Variants in RNGTT observed in about 807,000 individuals in gnomAD.
The protein encoded by RNGTT is mRNA-capping enzyme.
In RNGTT, 33 loss-of-function variants were observed where a neutral mutation model predicts 79.3. The ratio of observed to expected loss-of-function variants is 0.42; its 90% CI spans 0.32 to 0.56. The LOEUF (loss-of-function observed/expected upper bound fraction) is 0.56, where lower values mean the gene tolerates loss of function less well. Ranked by LOEUF, RNGTT falls within the 20% of genes least tolerant of loss-of-function variation. The probability of loss-of-function intolerance (pLI) is 0.17; values close to 1 mark genes in which losing one functional copy is unlikely to be tolerated. For missense variants in RNGTT, 497 were observed against 739.1 expected (o/e 0.67, Z 3.80); for synonymous variants, 222 against 235.9 (o/e 0.94, Z 0.54).
At chr6:88,828,743 A>G (rs2127886585) in intron 11 of RNGTT, among the ~76,000 whole-genome samples, 1 of 152,140 alleles carries the variant, frequency 6.6e-6, no homozygotes, top group South Asian at 2.1e-4. Flanking sequence ...TGAAGCATAC[A>G]CAAATATCAA....
At chr6:88,678,000 T>TTTTG (rs1345254176) in intron 14 of RNGTT, 5 of 152,646 alleles carry the variant, frequency 3.3e-5, no homozygotes, top group African/African-American at 1.3e-4. Context: ...TTTTTTTTTT[T>TTTTG]TTTGAGACAG....
At chr6:88,808,547 AATG>A (rs1462671417) in intron 11 of RNGTT, among the ~76,000 whole-genome samples, 7 of 152,292 alleles carry the variant, frequency 4.6e-5, no homozygotes, top group Non-Finnish European at 1.0e-4. Context: ...TTTTCATTCT[AATG>A]ATATTTCTTC....
chr6:88,686,723 T>G (rs1402326612), intron 13 of RNGTT, among the ~76,000 whole-genome samples: 1 of 152,104 alleles, frequency 6.6e-6, no homozygotes, highest in Admixed American at 6.6e-5. Flanking sequence ...TCCACACAGA[T>G]GAAAATAATG....
chr6:88,809,775 A>G (rs1473632946), intron 11 of RNGTT, among the ~76,000 whole-genome samples: 1 of 151,640 alleles, frequency 6.6e-6, no homozygotes, highest in African/African-American at 2.4e-5. Flanking sequence ...ATGACCAGGC[A>G]CAATGGCTCA....
At chr6:88,854,738 T>TG (rs148037037) in intron 8 of RNGTT, among the ~76,000 whole-genome samples, 6,234 of 152,246 alleles carry the variant, frequency 0.041, 187 homozygotes, top group African/African-American at 0.076. Context: ...AATCAACATA[T>TG]GGGGGAATTC....
At position 88,959,532 on chromosome 6, in the gene RNGTT, C is replaced by T. The variant is rs183153767; in HGVS notation, c.64+3814G>A. Among the ~76,000 whole-genome samples the T allele has an allele frequency of 2.8e-3, 422 of 152,220 alleles. 7 individuals are homozygous for T. The highest frequency in any genetic ancestry group is 9.7e-3 in the African/African-American group (404 of 41,534). ...GACCCTCTTTCCCTCATTCTAAATA[C>T]GACATCAAGTTCTGTCCATTTTCCC... is the stretch of plus-strand genomic sequence containing the variant. On this transcript the variant is annotated intron_variant, in intron 1 of 15. Coordinates refer to ENST00000369485, the MANE Select transcript of RNGTT (RefSeq NM_003800.5).
At chr6:88,808,868 G>T (rs975280035) in intron 11 of RNGTT, among the ~76,000 whole-genome samples, 1 of 152,052 alleles carries the variant, frequency 6.6e-6, no homozygotes, top group African/African-American at 2.4e-5. Context: ...GCTGTGGGAG[G>T]ATAACTTGAG....
intron 13 of RNGTT, among the ~76,000 whole-genome samples, chr6:88,736,538 A>G (rs1482041344): frequency 6.6e-6 from 1 of 152,224 alleles, no homozygotes; most frequent in African/African-American, 2.4e-5. Context: ...ACAAAGTATT[A>G]AAAGAGAAGC....
In RNGTT at chr6:88,963,378, A is replaced by G. The variant is rs1389017770; in HGVS notation, c.32T>C (p.Leu11Pro). ...CGGCTGGCCGCGCCGGGGACAGTTC[A>G]GCCACCGCGGCGGGATCTTGTTGTG... MAHNKIPPRWLNCPRRGQPVA... is the reference protein window; with the variant it reads MAHNKIPPRWPNCPRRGQPVA... Residue 11 changes from leucine (L) to proline (P), a missense_variant, in exon 1 of 16, where the codon CTG (leucine) becomes CCG (proline). This residue lies in a region of RNGTT where 440 missense variants were observed against 671.5 expected (regional missense o/e 0.66). Coordinates refer to ENST00000369485, the MANE Select transcript of RNGTT (RefSeq NM_003800.5). The G allele has an allele frequency of 6.2e-7, 1 of 1,610,336 alleles. No homozygotes were observed. The highest frequency in any genetic ancestry group is 8.5e-7 in the Non-Finnish European group (1 of 1,178,362).
rs528897037 is a variant in RNGTT at position 88,858,938 on chromosome 6, A to G, written c.897-5174T>C. 7.2e-5 allele frequency among the ~76,000 whole-genome samples: 11 copies of G among 152,324 alleles called. No individual in the cohort carries two copies. In the East Asian group the frequency reaches 1.9e-3, roughly 27 times the overall value. On this transcript the variant is annotated intron_variant, in intron 8 of 15. Transcript: ENST00000369485. ...GAATACTCAAGTGTAAAGAGAAAGCAGGAAAATGGTATGAAATGAGACTAA... is the reference window on the plus strand; with the variant it reads ...GAATACTCAAGTGTAAAGAGAAAGCGGGAAAATGGTATGAAATGAGACTAA...
chr6:88,825,138 C>T (rs1780615808), intron 11 of RNGTT, among the ~76,000 whole-genome samples: 1 of 152,148 alleles, frequency 6.6e-6, no homozygotes, highest in Non-Finnish European at 1.5e-5. Context: ...AGTGAAAATG[C>T]TTAAAGGAAG....
At chr6:88,664,517 C>T (rs1478648674) in intron 14 of RNGTT, among the ~76,000 whole-genome samples, 2 of 152,104 alleles carry the variant, frequency 1.3e-5, no homozygotes, top group Admixed American at 6.5e-5. Flanking sequence ...AAGGTGAATG[C>T]CAACCCGGTG....
At chr6:88,702,712 G>T (rs1775988685) in intron 13 of RNGTT, among the ~76,000 whole-genome samples, 2 of 151,988 alleles carry the variant, frequency 1.3e-5, no homozygotes, top group South Asian at 4.2e-4. Context: ...TGACAAGCGG[G>T]ACCTAATTAA....
chr6:88,664,662 G>C (rs1774325583), intron 14 of RNGTT, among the ~76,000 whole-genome samples: 1 of 152,130 alleles, frequency 6.6e-6, no homozygotes, highest in African/African-American at 2.4e-5. Context: ...AAAGAGACAG[G>C]ACATTGGAAA....
intron 13 of RNGTT, among the ~76,000 whole-genome samples, chr6:88,710,919 G>C (rs1055184493): frequency 6.6e-6 from 1 of 151,952 alleles, no homozygotes; most frequent in African/African-American, 2.4e-5. Context: ...CATTACTAAT[G>C]GACTTAAATG....
At chr6:88,809,815 G>A (rs892922932) in intron 11 of RNGTT, among the ~76,000 whole-genome samples, 5 of 152,138 alleles carry the variant, frequency 3.3e-5, no homozygotes, top group African/African-American at 7.2e-5. Flanking sequence ...TTGGGAGGCT[G>A]AGGTGGGAGG....
intron 13 of RNGTT, among the ~76,000 whole-genome samples, chr6:88,741,625 AAATG>A (rs1290368616): frequency 6.6e-6 from 1 of 152,230 alleles, no homozygotes; most frequent in East Asian, 1.9e-4. Flanking sequence ...AATTTAAAAT[AAATG>A]AAATGAAAAA....
chr6:88,873,902 C>T (rs1782432239), intron 8 of RNGTT, among the ~76,000 whole-genome samples: 1 of 152,042 alleles, frequency 6.6e-6, no homozygotes, highest in Non-Finnish European at 1.5e-5. Flanking sequence ...TTGATCTTGA[C>T]CTAATTAAGA....
intron 14 of RNGTT, among the ~76,000 whole-genome samples, chr6:88,616,586 G>A (rs1363890630): frequency 6.6e-6 from 1 of 151,692 alleles, no homozygotes; most frequent in Non-Finnish European, 1.5e-5. Context: ...CTTTCATAGT[G>A]GCCATCCTGA....
Sources: gnomAD v4.1 joint callset for allele counts (sites outside exome capture counted in the v4.1 genomes callset) on GRCh38, gnomAD v4.1.1 for gene constraint, gnomAD v4.1.1 regional missense constraint, MANE v1.5 for transcripts, NCBI Gene and HGNC (gene_info 2026-07-23, HGNC 2026-07-21) for gene names.